Variants in PUM2 observed in about 807,000 individuals in gnomAD.
PUM2 encodes pumilio RNA binding family member 2.
In PUM2, 57 loss-of-function variants were observed where a neutral mutation model predicts 124.5. That is an observed-to-expected ratio of 0.46 (90% confidence interval 0.37 to 0.57). The LOEUF (loss-of-function observed/expected upper bound fraction) is 0.57, where lower values mean the gene tolerates loss of function less well. Ranked by LOEUF, PUM2 falls within the 20% of genes least tolerant of loss-of-function variation. The probability of loss-of-function intolerance (pLI) is 0.00; values close to 1 mark genes in which losing one functional copy is unlikely to be tolerated. For missense variants in PUM2, 1,065 were observed against 1,290.6 expected (o/e 0.83, Z 2.68); for synonymous variants, 460 against 446.1 (o/e 1.03, Z -0.39).
chr2:20,274,929 A>C (rs1168970693), intron 13 of PUM2, among the ~76,000 whole-genome samples: 1 of 138,262 alleles, frequency 7.2e-6, no homozygotes, highest in Non-Finnish European at 1.6e-5. Flanking sequence ...GAAATATTTA[A>C]TGTTCTTCAC....
chr2:20,332,440 A>G (rs112070932), intron 1 of PUM2, among the ~76,000 whole-genome samples: 5,078 of 151,182 alleles, frequency 0.034, 93 homozygotes, highest in Middle Eastern at 0.062. Flanking sequence ...CCATCAGCAC[A>G]ACTTAAGCTC....
chr2:20,337,389 T>A (rs1263686608), intron 1 of PUM2, among the ~76,000 whole-genome samples: 4 of 152,200 alleles, frequency 2.6e-5, no homozygotes, highest in African/African-American at 9.6e-5. Context: ...TTTGAAATAC[T>A]CCTTCAAAAA....
intron 13 of PUM2, among the ~76,000 whole-genome samples, chr2:20,266,753 G>C (rs927517024): frequency 1.3e-5 from 2 of 152,094 alleles, no homozygotes; most frequent in African/African-American, 4.8e-5. Context: ...ATAAAAAACA[G>C]AAACAGTTCG....
intron 3 of PUM2, among the ~76,000 whole-genome samples, chr2:20,317,691 T>C (rs909031558): frequency 6.6e-6 from 1 of 152,136 alleles, no homozygotes; most frequent in Non-Finnish European, 1.5e-5. Flanking sequence ...TTTTTTCTGA[T>C]CCTCTCCCTC....
At position 20,283,053 on chromosome 2, in the gene PUM2, TAAAG is replaced by T; in HGVS notation, c.1610_1613del (p.Ser537TyrfsTer26). The T allele has an allele frequency of 6.2e-7, 1 of 1,613,996 alleles. No homozygotes were observed. The highest frequency in any genetic ancestry group is 8.5e-7 in the Non-Finnish European group (1 of 1,179,992). On this transcript the variant is annotated frameshift_variant, in exon 12 of 21. Transcript: ENST00000361078. LOFTEE classifies it high-confidence loss of function. The stretch of plus-strand genomic sequence containing the variant: ...CAGGTTGACCAGGTCCATGAGAAAA[TAAAG>T]AACTACTCTGGGAGCTATTAGTCAA...
intron 2 of PUM2, among the ~76,000 whole-genome samples, chr2:20,322,722 T>C (rs1190963374): frequency 6.6e-6 from 1 of 152,054 alleles, no homozygotes; most frequent in Non-Finnish European, 1.5e-5. Context: ...AGGATCACTT[T>C]AGGCCAAGGG....
intron 2 of PUM2, among the ~76,000 whole-genome samples, chr2:20,323,333 A>C (rs749001255): frequency 6.6e-6 from 1 of 151,950 alleles, no homozygotes; most frequent in Non-Finnish European, 1.5e-5. Flanking sequence ...CTGCGGTCCC[A>C]GCTACTCGGG....
At chr2:20,317,080 C>T (rs935181280) in intron 3 of PUM2, among the ~76,000 whole-genome samples, 3 of 151,904 alleles carry the variant, frequency 2.0e-5, no homozygotes, top group African/African-American at 7.3e-5. Context: ...GCCTGTAGTC[C>T]TAGCTACTCA....
intron 13 of PUM2, among the ~76,000 whole-genome samples, chr2:20,276,577 G>T (rs1289279325): frequency 6.6e-6 from 1 of 151,920 alleles, no homozygotes; most frequent in African/African-American, 2.4e-5. Flanking sequence ...TATACTATCA[G>T]CCTTGAGACT....
intron 2 of PUM2, among the ~76,000 whole-genome samples, chr2:20,321,166 T>TA (rs1232468408): frequency 6.6e-6 from 1 of 152,116 alleles, no homozygotes; most frequent in Non-Finnish European, 1.5e-5. Context: ...CACACACCTG[T>TA]AGTCCCAGCT....
chr2:20,338,642 C>T (rs1686610559), intron 1 of PUM2, among the ~76,000 whole-genome samples: 1 of 152,186 alleles, frequency 6.6e-6, no homozygotes, highest in African/African-American at 2.4e-5. Context: ...CACACAATCT[C>T]ATCAACTGTT....
chr2:20,253,864 A>T lies in PUM2; in HGVS notation c.3021T>A (p.Ile1007=), dbSNP rs768526235. 3.7e-6 allele frequency: 6 copies of T among 1,613,914 alleles called. No homozygotes were observed. The East Asian group carries it at 1.3e-4, about 36-fold the overall frequency. The change falls in exon 20 of 21, where the codon ATT becomes ATA. Residue 1007 remains isoleucine, a synonymous_variant. Coordinates refer to ENST00000361078, the MANE Select transcript of PUM2 (RefSeq NM_015317.5). ...TTCTCTGAGCAGGTTCAGCCATATCAATCATCTTTTGAACCACGTAATTGG... is the reference window on the plus strand; with the variant it reads ...TTCTCTGAGCAGGTTCAGCCATATCTATCATCTTTTGAACCACGTAATTGG... ...QYANYVVQKM[I]DMAEPAQRKI... is the part of the protein sequence containing the mutation.
chr2:20,327,926 G>T (rs1399294460), intron 1 of PUM2, among the ~76,000 whole-genome samples: 1 of 152,156 alleles, frequency 6.6e-6, no homozygotes, highest in Non-Finnish European at 1.5e-5. Flanking sequence ...CGCCTGAACT[G>T]CACATATGTG....
chr2:20,339,063 A>C (rs1686693455), intron 1 of PUM2, among the ~76,000 whole-genome samples: 1 of 152,218 alleles, frequency 6.6e-6, no homozygotes, highest in Non-Finnish European at 1.5e-5. Flanking sequence ...CAAATATTTA[A>C]TAAATTAGTT....
intron 8 of PUM2, among the ~76,000 whole-genome samples, chr2:20,296,610 CAAA>C (rs1675658290): frequency 6.6e-6 from 1 of 151,466 alleles, no homozygotes; most frequent in Admixed American, 6.6e-5. Context: ...CCAGCCCCCC[CAAA>C]AACAACAGGG....
At position 20,348,055 on chromosome 2, in the gene PUM2, G is replaced by A. The variant is rs557868854; in HGVS notation, c.-19+2542C>T. 1.5e-4 allele frequency among the ~76,000 whole-genome samples: 23 copies of A among 152,190 alleles called. No homozygotes were observed. In the East Asian group the frequency reaches 4.0e-3, roughly 27 times the overall value. ...AAAACAGCAAGGGTCTGGCACCGGG[G>A]CTCATGCTTTTAATACCAACATTTT... On this transcript the variant is annotated intron_variant, in intron 1 of 20. Transcript: ENST00000361078.
chr2:20,305,642 A>T (rs1400447297), intron 7 of PUM2, among the ~76,000 whole-genome samples: 1 of 152,056 alleles, frequency 6.6e-6, no homozygotes, highest in Non-Finnish European at 1.5e-5. Context: ...TAAAAGAAAT[A>T]ATTATTATAT....
At chr2:20,298,738 G>C (rs1388588722) in intron 7 of PUM2, among the ~76,000 whole-genome samples, 1 of 152,114 alleles carries the variant, frequency 6.6e-6, no homozygotes, top group African/African-American at 2.4e-5. Flanking sequence ...GGGAGTGGTG[G>C]CAAACGCTGG....
At chr2:20,261,307 C>T (rs1022119586) in intron 14 of PUM2, among the ~76,000 whole-genome samples, 1 of 144,912 alleles carries the variant, frequency 6.9e-6, no homozygotes. Flanking sequence ...AGGAGAATCA[C>T]TTGAACCCAG....
Sources: gnomAD v4.1 joint callset for allele counts (sites outside exome capture counted in the v4.1 genomes callset) on GRCh38, gnomAD v4.1.1 for gene constraint, MANE v1.5 for transcripts, NCBI Gene and HGNC (gene_info 2026-07-23, HGNC 2026-07-21) for gene names.